Variants in RERE observed in about 807,000 individuals in gnomAD.
The protein encoded by RERE is arginine-glutamic acid dipeptide repeats, also known as arginine-glutamic acid dipeptide repeats protein.
Under a neutral mutation model 146.1 loss-of-function variants are expected in RERE, and 40 were observed. The ratio of observed to expected loss-of-function variants is 0.27; its 90% confidence interval spans 0.21 to 0.36. RERE has a LOEUF of 0.36. Ranked by LOEUF, RERE falls within the 10% of genes least tolerant of loss-of-function variation. RERE has a pLI of 1.00. For missense variants in RERE, 1,933 were observed against 2,138.7 expected (o/e 0.90, Z 1.90); for synonymous variants, 1,003 against 866.0 (o/e 1.16, Z -2.78).
At chr1:8,483,989 G>A (rs1381268572) in intron 10 of RERE, among the ~76,000 whole-genome samples, 1 of 152,114 alleles carries the variant, frequency 6.6e-6, no homozygotes, top group African/African-American at 2.4e-5. Flanking sequence ...ATAAATTACT[G>A]AGAAAGAAAA....
intron 1 of RERE, among the ~76,000 whole-genome samples, chr1:8,804,121 T>C (rs1351639210): frequency 6.6e-6 from 1 of 152,238 alleles, no homozygotes; most frequent in African/African-American, 2.4e-5. Context: ...TTTAATCATA[T>C]GTGTATAATC....
rs1201459552 is a variant in RERE, at chr1:8,445,894, A to G, written c.1203+20031T>C. Reference sequence around the variant, plus strand: ...TGTGTCCATGTGTTCTCACTGTTCAACTCCCACTTACGAGTGAGAACATGT... The same window carrying G: ...TGTGTCCATGTGTTCTCACTGTTCAGCTCCCACTTACGAGTGAGAACATGT... On this transcript the variant is annotated intron_variant, in intron 11 of 22. Transcript: ENST00000400908. Among the ~76,000 whole-genome samples the G allele has an allele frequency of 4.1e-5, 6 of 147,284 alleles. No homozygotes were observed. In the Admixed American group the frequency reaches 4.1e-4, roughly 10 times the overall value.
intron 7 of RERE, among the ~76,000 whole-genome samples, chr1:8,518,167 G>C (rs1308759188): frequency 6.6e-6 from 1 of 152,182 alleles, no homozygotes; most frequent in Non-Finnish European, 1.5e-5. Flanking sequence ...GATTCTACAA[G>C]GGAAGATGAG....
chr1:8,734,112 T>A (rs7520181), intron 1 of RERE, among the ~76,000 whole-genome samples: 1 of 152,142 alleles, frequency 6.6e-6, no homozygotes, highest in Admixed American at 6.5e-5. Flanking sequence ...GTCTCAAAAA[T>A]TAAAATAAAA....
chr1:8,548,742 C>T (rs564333735), intron 6 of RERE, among the ~76,000 whole-genome samples: 13 of 152,176 alleles, frequency 8.5e-5, no homozygotes, highest in African/African-American at 2.4e-4. Flanking sequence ...CCCAGCACCT[C>T]GGGAGGCTGA....
intron 1 of RERE, among the ~76,000 whole-genome samples, chr1:8,727,141 T>A (rs1221464840): frequency 6.6e-6 from 1 of 150,836 alleles, no homozygotes; most frequent in Non-Finnish European, 1.5e-5. Flanking sequence ...AGTCTTTTTT[T>A]TGGAGGGCGC....
chr1:8,585,067 G>A (rs1646410795), intron 4 of RERE, among the ~76,000 whole-genome samples: 1 of 150,154 alleles, frequency 6.7e-6, no homozygotes, highest in Non-Finnish European at 1.5e-5. Context: ...AGGATCACTT[G>A]AACCAGGGAG....
At chr1:8,760,180 C>T (rs1418938975) in intron 1 of RERE, among the ~76,000 whole-genome samples, 1 of 152,122 alleles carries the variant, frequency 6.6e-6, no homozygotes, top group African/African-American at 2.4e-5. Context: ...TGCCCGCCAC[C>T]GCGCCCAGCT....
intron 8 of RERE, among the ~76,000 whole-genome samples, chr1:8,498,766 CACATAT>C (rs1243796006): frequency 6.0e-5 from 9 of 149,380 alleles, no homozygotes; most frequent in African/African-American, 2.0e-4. Flanking sequence ...CACACACACA[CACATAT>C]GTAGTTGAAT....
chr1:8,556,623 T>C, intron 5 of RERE, 52 bp from the exon 6 acceptor site: 1 of 1,165,286 alleles, frequency 8.6e-7, no homozygotes, highest in Non-Finnish European at 1.3e-6. Context: ...CCAAAACAAG[T>C]AAAAAAAATT....
At chr1:8,441,668 G>T (rs1399496944) in intron 11 of RERE, among the ~76,000 whole-genome samples, 2 of 152,168 alleles carry the variant, frequency 1.3e-5, no homozygotes, top group African/African-American at 2.4e-5. Flanking sequence ...ATTATGGAAA[G>T]AATTCAAATA....
intron 11 of RERE, 161 bp downstream of exon 11, chr1:8,465,764 T>C: frequency 1.4e-6 from 1 of 695,436 alleles, no homozygotes; most frequent in South Asian, 1.5e-5. Context: ...TTCTGTACAA[T>C]TAAGGGGCTG....
chr1:8,584,874 C>A (rs900499960), intron 4 of RERE, among the ~76,000 whole-genome samples: 1 of 151,966 alleles, frequency 6.6e-6, no homozygotes, highest in East Asian at 1.9e-4. Flanking sequence ...GAGTCCAGGC[C>A]CAGTGGCTCA....
At chr1:8,729,902 A>G (rs548388921) in intron 1 of RERE, among the ~76,000 whole-genome samples, 68 of 152,372 alleles carry the variant, frequency 4.5e-4, no homozygotes, top group African/African-American at 1.6e-3. Context: ...AAGAGCTCTA[A>G]GGTTTTCTTT....
chr1:8,711,157 CAAAAAAAAAAAA>C lies in RERE; in HGVS notation c.-144-54728_-144-54717del, dbSNP rs57814312. ...GGGTGACAGAGTGTGACTCTGTCTC[CAAAAAAAAAAAA>C]AAAAAAAAAAAAAAAAAAGGGAGTG... is the stretch of plus-strand genomic sequence containing the variant. On this transcript the variant is annotated intron_variant, in intron 1 of 22. Coordinates refer to ENST00000400908, the MANE Select transcript of RERE (RefSeq NM_001042681.2). 1.0e-3 allele frequency among the ~76,000 whole-genome samples: 71 copies of C among 68,266 alleles called. No individual in the cohort carries two copies. In the South Asian group the frequency reaches 0.016, roughly 16 times the overall value. The allele number at this position is 68,266 out of a possible 152,430, so 44.8% of individuals were successfully genotyped here. A position where few individuals can be genotyped will look rare whatever the true frequency, so the allele number is the denominator to read the frequency against.
At chr1:8,575,240 A>C (rs1646276260) in intron 4 of RERE, among the ~76,000 whole-genome samples, 1 of 152,192 alleles carries the variant, frequency 6.6e-6, no homozygotes, top group African/African-American at 2.4e-5. Flanking sequence ...AGTAGAAACT[A>C]CAAAGAAAAC....
chr1:8,465,975 T>A lies in RERE; in HGVS notation c.1153A>T (p.Lys385Ter). Reference sequence around the variant, plus strand: ...TCGATGAGCTTGGGCACAGGCTTCTTCACCAGGCGCTGCAGGGCTTTGCCA... The same window carrying A: ...TCGATGAGCTTGGGCACAGGCTTCTACACCAGGCGCTGCAGGGCTTTGCCA... ...DAGKALQRLV[K>*]KPVPKLIEKC... The change falls in exon 11 of 23, where the codon AAG becomes TAG. Residue 385 changes from lysine (K) to a stop codon, truncating the protein, a stop_gained. Transcript: ENST00000400908. LOFTEE classifies it high-confidence loss of function. 1 of 1,614,106 alleles carries A rather than the reference T, an allele frequency of 6.2e-7. No homozygotes were observed. The highest frequency in any genetic ancestry group is 8.5e-7 in the Non-Finnish European group (1 of 1,179,976).
intron 2 of RERE, among the ~76,000 whole-genome samples, chr1:8,638,840 G>A (rs1485115845): frequency 7.2e-6 from 1 of 139,450 alleles, no homozygotes; most frequent in Non-Finnish European, 1.5e-5. Flanking sequence ...CTAGGCTGGA[G>A]TGCAGTGGCG....
At chr1:8,480,143 G>GT (rs375571417) in intron 10 of RERE, among the ~76,000 whole-genome samples, 3,627 of 105,432 alleles carry the variant, frequency 0.034, 74 homozygotes, top group Middle Eastern at 0.099. Flanking sequence ...TTTTTTTTTT[G>GT]TTTTTTTTTT....
Sources: gnomAD v4.1 joint callset for allele counts (sites outside exome capture counted in the v4.1 genomes callset) on GRCh38, gnomAD v4.1.1 for gene constraint, MANE v1.5 for transcripts, NCBI Gene and HGNC (gene_info 2026-07-23, HGNC 2026-07-21) for gene names.